BICD1: variants seen among roughly 807,000 people sequenced by gnomAD.
The protein encoded by BICD1 is protein bicaudal D homolog 1.
In BICD1, 35 loss-of-function variants were observed where a neutral mutation model predicts 92.5. That is an observed-to-expected ratio of 0.38 (90% CI 0.29 to 0.50). The LOEUF is 0.50. Among genes scored for constraint, BICD1 ranks in the 20% least tolerant of loss-of-function variants. The pLI is 0.93. For missense variants in BICD1, 950 were observed against 1,189.8 expected (o/e 0.80, Z 2.97); for synonymous variants, 429 against 465.1 (o/e 0.92, Z 1.00).
intron 4 of BICD1, among the ~76,000 whole-genome samples, chr12:32,322,966 G>A (rs531178500): frequency 6.6e-6 from 1 of 152,124 alleles, no homozygotes; most frequent in Non-Finnish European, 1.5e-5. Flanking sequence ...ACACTTTCCA[G>A]TGCAAATTTG....
chr12:32,191,481 A>G (rs1185653928), intron 1 of BICD1, among the ~76,000 whole-genome samples: 2 of 151,228 alleles, frequency 1.3e-5, no homozygotes, highest in African/African-American at 4.9e-5. Flanking sequence ...TCTGTTGGCA[A>G]CGTTTTTCCC....
chr12:32,156,671 C>T (rs997848304), intron 1 of BICD1, among the ~76,000 whole-genome samples: 2 of 152,174 alleles, frequency 1.3e-5, no homozygotes, highest in Non-Finnish European at 2.9e-5. Context: ...TGTTAACTGG[C>T]TGTCAAGTTT....
intron 1 of BICD1, among the ~76,000 whole-genome samples, chr12:32,115,388 T>TTTTTG (rs1555125601): frequency 3.4e-5 from 1 of 29,512 alleles, no homozygotes; most frequent in Non-Finnish European, 7.3e-5. Context: ...GTGTTTTTGG[T>TTTTTG]TTTTTTTTTT....
intron 2 of BICD1, among the ~76,000 whole-genome samples, chr12:32,275,078 T>C (rs1431821961): frequency 6.6e-6 from 1 of 152,216 alleles, no homozygotes; most frequent in Non-Finnish European, 1.5e-5. Flanking sequence ...TAGTGATCTA[T>C]ATGTTTATCA....
At chr12:32,186,320 T>A (rs1239097024) in intron 1 of BICD1, among the ~76,000 whole-genome samples, 2 of 152,144 alleles carry the variant, frequency 1.3e-5, no homozygotes, top group African/African-American at 4.8e-5. Context: ...TATAAAAATA[T>A]AAGTATATGA....
chr12:32,361,108 T>A (rs925805263), intron 8 of BICD1, among the ~76,000 whole-genome samples: 6 of 152,198 alleles, frequency 3.9e-5, no homozygotes, highest in African/African-American at 1.4e-4. Context: ...ATGTCTCAGA[T>A]AAGACAAGAC....
chr12:32,282,199 CTTCTTTTTTTTTTTTTTTTTT>C (rs1947430232), intron 2 of BICD1, among the ~76,000 whole-genome samples: 1 of 68,994 alleles, frequency 1.4e-5, no homozygotes, highest in East Asian at 3.5e-4. Flanking sequence ...TTCAGGTCTT[CTTCTTTTTTTTTTTTTTTTTT>C]TTTTTTTTTT....
rs1945368378 is a variant in BICD1 at position 32,216,521 on chromosome 12, T to C, written c.426+62T>C. Reference sequence around the variant, plus strand: ...GGGAGAAATAAGAAAGTTCTCTCCATAGCAGAGAGGAATAACACTTTTGTT... The same window carrying C: ...GGGAGAAATAAGAAAGTTCTCTCCACAGCAGAGAGGAATAACACTTTTGTT... On this transcript the variant is annotated intron_variant, in intron 2 of 9. Transcript: ENST00000652176. 103 of 1,521,736 alleles carry C rather than the reference T, an allele frequency of 6.8e-5. No individual in the cohort carries two copies. The South Asian group carries it at 1.1e-3, about 17-fold the overall frequency. 94.3% of individuals were successfully genotyped at this position (1,521,736 alleles called of 1,614,324 possible).
chr12:32,261,881 G>A (rs1247960793), intron 2 of BICD1, among the ~76,000 whole-genome samples: 2 of 152,212 alleles, frequency 1.3e-5, no homozygotes, highest in African/African-American at 4.8e-5. Context: ...GGAAGGAAAT[G>A]GCGAATGCCT....
intron 2 of BICD1, among the ~76,000 whole-genome samples, chr12:32,265,047 C>CCTTA (rs1946953134): frequency 6.6e-6 from 1 of 152,006 alleles, no homozygotes; most frequent in African/African-American, 2.4e-5. Context: ...CTTCCAGCTG[C>CCTTA]CTTAGCCTTC....
intron 1 of BICD1, among the ~76,000 whole-genome samples, chr12:32,191,492 G>A (rs914946459): frequency 4.0e-5 from 6 of 150,680 alleles, no homozygotes; most frequent in African/African-American, 1.2e-4. Context: ...CGTTTTTCCC[G>A]CATGTGCTCA....
At chr12:32,322,044 C>G (rs1025900601) in intron 4 of BICD1, among the ~76,000 whole-genome samples, 1 of 152,052 alleles carries the variant, frequency 6.6e-6, no homozygotes, top group Non-Finnish European at 1.5e-5. Context: ...GTTTAAGCAT[C>G]TGCTCTTTGA....
chr12:32,172,103 G>C (rs935363194), intron 1 of BICD1, among the ~76,000 whole-genome samples: 2 of 151,942 alleles, frequency 1.3e-5, no homozygotes, highest in African/African-American at 4.8e-5. Flanking sequence ...TTCTACTCAG[G>C]ACTGGGCACG....
intron 2 of BICD1, among the ~76,000 whole-genome samples, chr12:32,292,773 T>C (rs1947758430): frequency 6.6e-6 from 1 of 152,116 alleles, no homozygotes; most frequent in African/African-American, 2.4e-5. Context: ...TTCTCTTTGT[T>C]TGAATAGGAA....
At position 32,193,194 on chromosome 12, in the gene BICD1, AT is replaced by A. The variant is rs146356892; in HGVS notation, c.214-23051del. On this transcript the variant is annotated intron_variant, in intron 1 of 9. Coordinates refer to ENST00000652176, the MANE Select transcript of BICD1 (RefSeq NM_001714.4). ...CATTAAACTTGTCTTATTTTAAGAA[AT>A]TGCCACAGCCACCCCAACCTTCAAC... Among the ~76,000 whole-genome samples, 2,646 of 152,310 alleles carry A rather than the reference AT, an allele frequency of 0.017. 113 individuals are homozygous for A. In the East Asian group the frequency reaches 0.17, roughly 10 times the overall value.
chr12:32,199,183 A>G (rs879288762), intron 1 of BICD1, among the ~76,000 whole-genome samples: 5 of 152,234 alleles, frequency 3.3e-5, no homozygotes, highest in African/African-American at 9.6e-5. Context: ...ATTGAAGATA[A>G]TTAGAGTTGA....
chr12:32,325,309 C>CCTA (rs1565671625), intron 4 of BICD1, among the ~76,000 whole-genome samples: 2 of 152,160 alleles, frequency 1.3e-5, no homozygotes, highest in African/African-American at 4.8e-5. Flanking sequence ...ATAACAGATA[C>CCTA]GTAGTAACCA....
At chr12:32,276,170 C>T (rs917804288) in intron 2 of BICD1, among the ~76,000 whole-genome samples, 3 of 152,170 alleles carry the variant, frequency 2.0e-5, no homozygotes, top group East Asian at 1.9e-4. Context: ...TAAGATCCAC[C>T]GCAGACCCCT....
intron 2 of BICD1, among the ~76,000 whole-genome samples, chr12:32,252,066 TATTTATAATATATATTTATA>T (rs1453744031): frequency 1.8e-4 from 14 of 75,938 alleles, no homozygotes; most frequent in African/African-American, 7.1e-4. Flanking sequence ...ATATATTATA[TATTTATAATATATATTTATA>T]AATATATATT....
Sources: allele counts gnomAD v4.1 joint callset (sites outside exome capture counted in the v4.1 genomes callset), GRCh38; gene constraint gnomAD v4.1.1; transcripts MANE v1.5; gene names NCBI Gene and HGNC (gene_info 2026-07-23, HGNC 2026-07-21).